MYT1L: variants seen among roughly 807,000 people sequenced by gnomAD.
MYT1L encodes the protein myelin transcription factor 1-like protein.
In MYT1L, 12 loss-of-function variants were observed where a neutral mutation model predicts 126.7. The ratio of observed to expected loss-of-function variants is 0.09; its 90% CI spans 0.06 to 0.15. MYT1L has a LOEUF of 0.15. MYT1L is among the 10% of genes least tolerant of loss of function. The pLI is 1.00. For missense variants in MYT1L, 979 were observed against 1,585.2 expected, an observed-to-expected ratio of 0.62 and a Z score of 6.49; for synonymous variants, 541 against 604.2, an observed-to-expected ratio of 0.90 and a Z score of 1.53.
intron 3 of MYT1L, among the ~76,000 whole-genome samples, chr2:2,091,544 T>C (rs571584145): frequency 2.2e-4 from 34 of 152,294 alleles, no homozygotes; most frequent in African/African-American, 6.5e-4. Context: ...TATGTAAGCA[T>C]TGGCTTCAAC....
At chr2:2,301,838 A>G (rs1033818560) in intron 1 of MYT1L, among the ~76,000 whole-genome samples, 1 of 151,924 alleles carries the variant, frequency 6.6e-6, no homozygotes, top group Admixed American at 6.6e-5. Context: ...AAAAAAAAAA[A>G]AAAAAAAGAA....
At chr2:2,123,888 G>A (rs997287410) in intron 3 of MYT1L, among the ~76,000 whole-genome samples, 1 of 152,160 alleles carries the variant, frequency 6.6e-6, no homozygotes, top group African/African-American at 2.4e-5. Flanking sequence ...ATTAGCATGT[G>A]GCGGGGCCCT....
At position 1,872,021 on chromosome 2, in the gene MYT1L, G is replaced by A. The variant is rs990509533; in HGVS notation, c.2711+14518C>T. On this transcript the variant is annotated intron_variant, in intron 18 of 24. Coordinates refer to ENST00000647738, the MANE Select transcript of MYT1L (RefSeq NM_001303052.2). ...TGGAGCACCTCGCATTGTACTTGAT[G>A]GGTAACTGATCAAGGTGATGCTGGT... Among the ~76,000 whole-genome samples the A allele has an allele frequency of 7.2e-5, 11 of 152,154 alleles. No individual in the cohort carries two copies. In the East Asian group the frequency reaches 1.9e-3, roughly 27 times the overall value.
rs2095977321 is a variant in MYT1L at position 2,311,846 on chromosome 2, G to A, written c.-521+19121C>T. On this transcript the variant is annotated intron_variant, in intron 1 of 24. Transcript: ENST00000647738. ...AGCTGTCTGGAACATAAATGAGGTA[G>A]TGTCACTGGCTTCAATGTATTAACA... Among the ~76,000 whole-genome samples the A allele has an allele frequency of 1.3e-5, 2 of 152,332 alleles. 1 individual carries two copies. Among genetic ancestry groups the A allele is most frequent in the South Asian group, 4.1e-4 (2 of 4,832 alleles).
chr2:2,292,717 T>TA (rs1376501493), intron 1 of MYT1L, among the ~76,000 whole-genome samples: 3 of 152,174 alleles, frequency 2.0e-5, no homozygotes, highest in African/African-American at 7.2e-5. Flanking sequence ...TTTGTAAATT[T>TA]AAAAAAGACG....
chr2:1,851,414 G>A (rs1256537173), intron 19 of MYT1L, among the ~76,000 whole-genome samples: 2 of 152,164 alleles, frequency 1.3e-5, no homozygotes, highest in African/African-American at 4.8e-5. Flanking sequence ...CACTTGCACT[G>A]CATGTGAGAT....
Position 1,852,355 on chromosome 2 carries a change from A to T in MYT1L, c.2712-652T>A, listed in dbSNP as rs777993204. ...ACATGAAGAACATAAATCAGTTCAG[A>T]TCCACCAGGTCAGTCAGTGGAGAGG... is the stretch of plus-strand genomic sequence containing the variant. On this transcript the variant is annotated intron_variant, in intron 18 of 24. Transcript: ENST00000647738. This position sits in a 1 kb window ranked among gnomAD's most constrained non-coding sequence, Gnocchi z 4.0. 1.3e-5 allele frequency among the ~76,000 whole-genome samples: 2 copies of T among 152,196 alleles called. No homozygotes were observed. The highest frequency in any genetic ancestry group is 2.9e-5 in the Non-Finnish European group (2 of 68,038).
In MYT1L at chr2:2,273,406, TC is replaced by T. The variant is rs2095303119; in HGVS notation, c.-421+10997del. 2.6e-5 allele frequency among the ~76,000 whole-genome samples: 4 copies of T among 152,276 alleles called. No homozygotes were observed. In the South Asian group the frequency reaches 8.3e-4, roughly 32 times the overall value. On this transcript the variant is annotated intron_variant, in intron 2 of 24. Coordinates refer to ENST00000647738, the MANE Select transcript of MYT1L (RefSeq NM_001303052.2). ...GGGTGGCCATGGAGAAGTCTCAAATTCCATCATGTTCCTGTAGGACTGGGGC... is the reference window on the plus strand; with the variant it reads ...GGGTGGCCATGGAGAAGTCTCAAATTCATCATGTTCCTGTAGGACTGGGGC...
intron 2 of MYT1L, among the ~76,000 whole-genome samples, chr2:2,281,340 C>T (rs2095443891): frequency 6.6e-6 from 1 of 152,184 alleles, no homozygotes; most frequent in African/African-American, 2.4e-5. Context: ...TTCTTCATGG[C>T]AGTGTGAGAA....
intron 1 of MYT1L, among the ~76,000 whole-genome samples, chr2:2,311,932 C>T (rs528512488): frequency 1.3e-5 from 2 of 152,338 alleles, no homozygotes; most frequent in Admixed American, 1.3e-4. Context: ...AGGTCCTCCA[C>T]CTACCTCACA....
At chr2:2,277,130 C>A (rs184022064) in intron 2 of MYT1L, among the ~76,000 whole-genome samples, 1 of 152,062 alleles carries the variant, frequency 6.6e-6, no homozygotes, top group South Asian at 2.1e-4. Flanking sequence ...CACAGGCACC[C>A]GCCACCACCC....
intron 2 of MYT1L, among the ~76,000 whole-genome samples, chr2:2,269,322 G>A (rs1048680861): frequency 6.6e-6 from 1 of 152,198 alleles, no homozygotes; most frequent in African/African-American, 2.4e-5. Flanking sequence ...TCTGGACATG[G>A]TGGTTTACAA....
At chr2:2,156,233 A>C (rs1043367748) in intron 3 of MYT1L, among the ~76,000 whole-genome samples, 1 of 152,248 alleles carries the variant, frequency 6.6e-6, no homozygotes, top group African/African-American at 2.4e-5. Context: ...TCATAGACTC[A>C]GGGACATTTA....
At chr2:2,317,163 A>G (rs1341620953) in intron 1 of MYT1L, among the ~76,000 whole-genome samples, 1 of 152,034 alleles carries the variant, frequency 6.6e-6, no homozygotes, top group Non-Finnish European at 1.5e-5. Flanking sequence ...GATGAGATGA[A>G]TTTCACGTCA....
At chr2:2,266,498 G>A (rs1219007615) in intron 2 of MYT1L, among the ~76,000 whole-genome samples, 1 of 152,170 alleles carries the variant, frequency 6.6e-6, no homozygotes, top group African/African-American at 2.4e-5. Context: ...GGGGTGGGGT[G>A]GGGTGAGGGA....
At chr2:2,063,216 C>T (rs2150166865) in intron 3 of MYT1L, among the ~76,000 whole-genome samples, 1 of 152,312 alleles carries the variant, frequency 6.6e-6, no homozygotes, top group African/African-American at 2.4e-5. Context: ...ATTCAGCAAA[C>T]CCAATGTAGC....
chr2:2,027,562 A>G (rs1456929771), intron 4 of MYT1L, among the ~76,000 whole-genome samples: 1 of 152,250 alleles, frequency 6.6e-6, no homozygotes, highest in African/African-American at 2.4e-5. Context: ...GCTGTCAAAT[A>G]TGAATTGATT....
chr2:2,233,130 A>G (rs1165613932), intron 2 of MYT1L, among the ~76,000 whole-genome samples: 1 of 152,238 alleles, frequency 6.6e-6, no homozygotes, highest in Non-Finnish European at 1.5e-5. Flanking sequence ...GAATGAATGA[A>G]TAATATACAC....
Position 1,845,614 on chromosome 2 carries a change from C to A in MYT1L, c.2775-4771G>T, listed in dbSNP as rs549876722. Among the ~76,000 whole-genome samples, 65 of 152,284 alleles carry A rather than the reference C, an allele frequency of 4.3e-4. 2 individuals carry two copies. The South Asian group carries it at 0.012, about 28-fold the overall frequency. Reference sequence around the variant, plus strand: ...TCTCCTCACCTGCACCAGCTCTTCTCTCGGCTGCCACTGTCACCATCCAAG... The same window carrying A: ...TCTCCTCACCTGCACCAGCTCTTCTATCGGCTGCCACTGTCACCATCCAAG... On this transcript the variant is annotated intron_variant, in intron 19 of 24. Coordinates refer to ENST00000647738, the MANE Select transcript of MYT1L (RefSeq NM_001303052.2).
Sources: allele counts gnomAD v4.1 joint callset (sites outside exome capture counted in the v4.1 genomes callset), GRCh38; gene constraint gnomAD v4.1.1; non-coding constraint Gnocchi (gnomAD v3.1); transcripts MANE v1.5; gene names NCBI Gene and HGNC (gene_info 2026-07-23, HGNC 2026-07-21).